The following KIF1A variants were observed in gnomAD, a reference collection of about 807,000 sequenced individuals.
KIF1A encodes kinesin-like protein KIF1A.
A neutral mutation model predicts 227.3 loss-of-function variants in KIF1A; 46 were observed. The observed-to-expected ratio is 0.20, with a 90% CI of 0.16 to 0.26. The LOEUF (loss-of-function observed/expected upper bound fraction) is 0.26. KIF1A is among the 10% of genes least tolerant of loss of function. The pLI is 1.00. For synonymous variants in KIF1A, 1,022 were observed against 1,012.8 expected (o/e 1.01, Z -0.17); for missense variants, 1,683 against 2,485.9 (o/e 0.68, Z 6.87).
At chr2:240,801,554 G>C (rs2056965298) in intron 1 of KIF1A, among the ~76,000 whole-genome samples, 1 of 152,182 alleles carries the variant, frequency 6.6e-6, no homozygotes. Flanking sequence ...AAATGGAATG[G>C]GGGTGCCATG....
intron 47 of KIF1A, among the ~76,000 whole-genome samples, 175 bp from the exon 48 acceptor site, chr2:240,718,343 C>T (rs1210762182): frequency 1.3e-5 from 2 of 152,204 alleles, no homozygotes; most frequent in South Asian, 4.1e-4. Context: ...TGACTGCCTT[C>T]TGGACGCATC....
In KIF1A at chr2:240,747,687, C is replaced by T. The variant is rs1430809866; in HGVS notation, c.2978-366G>A. On this transcript the variant is annotated intron_variant, in intron 28 of 48. Coordinates refer to ENST00000498729, the MANE Select transcript of KIF1A (RefSeq NM_001244008.2). ...ACCACCCCACCAGCCCTGCTGGTCCCACCTCCAGAATCACAAAGTGCCTCT... is the reference window on the plus strand; with the variant it reads ...ACCACCCCACCAGCCCTGCTGGTCCTACCTCCAGAATCACAAAGTGCCTCT... 2.0e-5 allele frequency among the ~76,000 whole-genome samples: 3 copies of T among 152,350 alleles called. No homozygotes were observed. The East Asian group carries it at 5.8e-4, about 29-fold the overall frequency.
In KIF1A at chr2:240,746,132, T is replaced by C. The variant is rs2048569425; in HGVS notation, c.3109A>G (p.Thr1037Ala). 1.3e-6 allele frequency: 2 copies of C among 1,571,946 alleles called. No homozygotes were observed. The highest frequency in any genetic ancestry group is 1.4e-5 in the African/African-American group (1 of 73,916). Residue 1037 changes from threonine (T) to alanine (A), a missense_variant, in exon 30 of 49, where the codon ACC (threonine) becomes GCC (alanine). This residue lies in a region of KIF1A where 759 missense variants were observed against 1,020.2 expected (regional missense o/e 0.74). Coordinates refer to ENST00000498729, the MANE Select transcript of KIF1A (RefSeq NM_001244008.2). ...ACGATGCGAAGCTCTTCCTGGGAGG[T>C]TCCCGAGCGGGACATCCCCACCACG... ...CPVVGMSRSG[T>A]SQEELRIVEG...
chr2:240,757,245 C>T lies in KIF1A; in HGVS notation c.2858+74G>A. 2 of 1,437,264 alleles carry T rather than the reference C, an allele frequency of 1.4e-6. No individual in the cohort carries two copies. The highest frequency in any genetic ancestry group is 2.5e-5 in the East Asian group (1 of 40,178). 89.0% of individuals were successfully genotyped at this position (1,437,264 alleles called of 1,614,324 possible). A position where few individuals can be genotyped will look rare whatever the true frequency, so the allele number is the denominator to read the frequency against. The stretch of plus-strand genomic sequence containing the variant: ...GGCCCGGGCCAGGCCCCAGCGGTTC[C>T]TCTGTGCCCGCAGCAGTGCTCCTGT... On this transcript the variant is annotated intron_variant, in intron 27 of 48. Coordinates refer to ENST00000498729, the MANE Select transcript of KIF1A (RefSeq NM_001244008.2). This position sits in a 1 kb window ranked among gnomAD's most constrained non-coding sequence, Gnocchi z 6.2.
chr2:240,793,302 C>G lies in KIF1A; in HGVS notation c.107-3990G>C, dbSNP rs1308291240. Among the ~76,000 whole-genome samples the G allele has an allele frequency of 6.6e-6, 1 of 152,222 alleles. No homozygotes were observed. The highest frequency in any genetic ancestry group is 2.4e-5 in the African/African-American group (1 of 41,460). On this transcript the variant is annotated intron_variant, in intron 2 of 48. Coordinates refer to ENST00000498729, the MANE Select transcript of KIF1A (RefSeq NM_001244008.2). This position sits in a 1 kb window ranked among gnomAD's most constrained non-coding sequence, Gnocchi z 4.8. ...GAAGAGTGCAGATATGATTGGGGAC[C>G]TCAGGGAGTACCCAGCACCACCCCT...
intron 45 of KIF1A, chr2:240,720,570 A>G (rs2125582351): frequency 5.2e-6 from 1 of 192,314 alleles, no homozygotes; most frequent in South Asian, 1.3e-4. Flanking sequence ...CCTCCACAAT[A>G]CTGACTCTAA....
Position 240,766,577 on chromosome 2 carries a change from G to A in KIF1A, c.1684+338C>T, listed in dbSNP as rs2051206523. 6.6e-6 allele frequency among the ~76,000 whole-genome samples: 1 copy of A among 152,042 alleles called. No homozygotes were observed. The highest frequency in any genetic ancestry group is 2.4e-5 in the African/African-American group (1 of 41,396). On this transcript the variant is annotated intron_variant, in intron 19 of 48. Coordinates refer to ENST00000498729, the MANE Select transcript of KIF1A (RefSeq NM_001244008.2). The surrounding 1 kb of genome is among the most constrained non-coding windows in gnomAD (Gnocchi z 5.0). Reference sequence around the variant, plus strand: ...GCTTCCCGGCCAGCAGCCCACCTGTGCCCCCACCTCCAGCCCTCAAGGAGG... The same window carrying A: ...GCTTCCCGGCCAGCAGCCCACCTGTACCCCCACCTCCAGCCCTCAAGGAGG...
In KIF1A at chr2:240,714,520, C is replaced by T. The variant is rs1239628526; in HGVS notation, c.*2844G>A. The T allele has an allele frequency of 6.6e-6, 1 of 152,278 alleles. No individual in the cohort carries two copies. Among genetic ancestry groups the T allele is most frequent in the African/African-American group, 2.4e-5 (1 of 41,402 alleles). 9.4% of individuals were successfully genotyped at this position (152,278 alleles called of 1,614,324 possible). A position where few individuals can be genotyped will look rare whatever the true frequency, so the allele number is the denominator to read the frequency against. On this transcript the variant is annotated 3_prime_UTR_variant, in exon 49 of 49. Transcript: ENST00000498729. ...GAAACCATCTGAGGGAGACGGCTTT[C>T]CAGATCTGTCTCACCTCCCCCACTT...
In KIF1A at chr2:240,720,953, G is replaced by T. The variant is rs745872716; in HGVS notation, c.4829C>A (p.Pro1610His). The change falls in exon 45 of 49, where the codon CCC becomes CAC. Residue 1610 changes from proline to histidine, a missense_variant. Pro to His is a moderately conservative substitution (Grantham distance 77). Transcript: ENST00000498729. Reference sequence around the variant, plus strand: ...ACCGTACCGCCCTTCAACCAGAGAGGGGCAAGTGGAGGAGGGGGTGAGAGT... The same window carrying T: ...ACCGTACCGCCCTTCAACCAGAGAGTGGCAAGTGGAGGAGGGGGTGAGAGT... ...VATLTPSSTC[P>H]SLVEGRYGAT... is the part of the protein sequence containing the mutation. The T allele has an allele frequency of 2.5e-6, 4 of 1,597,908 alleles. No individual in the cohort carries two copies. The highest frequency in any genetic ancestry group is 2.7e-5 in the African/African-American group (2 of 74,680).
At chr2:240,785,733 C>T (rs1353007827) in intron 6 of KIF1A, among the ~76,000 whole-genome samples, 1 of 152,184 alleles carries the variant, frequency 6.6e-6, no homozygotes, top group Non-Finnish European at 1.5e-5. Context: ...GGAACAGCAC[C>T]CCCACCCACC....
intron 33 of KIF1A, 38 bp from the exon 34 acceptor site, chr2:240,743,022 C>G (rs2048175295): frequency 1.9e-6 from 3 of 1,553,586 alleles, no homozygotes; most frequent in South Asian, 1.2e-5. Context: ...TTTGCGGGAC[C>G]CTGGGCGGGA....
At chr2:240,794,046 A>C (rs999975343) in intron 2 of KIF1A, among the ~76,000 whole-genome samples, 1 of 152,000 alleles carries the variant, frequency 6.6e-6, no homozygotes, top group African/African-American at 2.4e-5. Context: ...GTGGACATCC[A>C]CCCGCACCCT....
intron 1 of KIF1A, among the ~76,000 whole-genome samples, chr2:240,813,795 C>T (rs191686718): frequency 1.3e-5 from 2 of 152,240 alleles, no homozygotes; most frequent in African/African-American, 4.8e-5. Flanking sequence ...GGCGTGAGAA[C>T]AGAGTGTGAA....
chr2:240,816,829 G>A (rs1320239616), intron 1 of KIF1A, among the ~76,000 whole-genome samples: 3 of 152,218 alleles, frequency 2.0e-5, no homozygotes, highest in Non-Finnish European at 2.9e-5. Context: ...AGGAGCAGGA[G>A]AGGTCAGGAG....
At position 240,784,971 on chromosome 2, in the gene KIF1A, G is replaced by T; in HGVS notation, c.720+18C>A. Reference sequence around the variant, plus strand: ...GCCACTGCCCTTGGTGGCACCGCCTGTGAGGCCACTCACTCACCTTCTCCG... The same window carrying T: ...GCCACTGCCCTTGGTGGCACCGCCTTTGAGGCCACTCACTCACCTTCTCCG... On this transcript the variant is annotated intron_variant, in intron 7 of 48. Coordinates refer to ENST00000498729, the MANE Select transcript of KIF1A (RefSeq NM_001244008.2). 1 of 1,602,320 alleles carries T rather than the reference G, an allele frequency of 6.2e-7. No homozygotes were observed. Among genetic ancestry groups the T allele is most frequent in the Non-Finnish European group, 8.5e-7 (1 of 1,169,746 alleles).
chr2:240,717,458 C>T, intron 48 of KIF1A, 52 bp from the exon 49 acceptor site: 1 of 1,555,652 alleles, frequency 6.4e-7, no homozygotes, highest in South Asian at 1.1e-5. Flanking sequence ...CACCTGCAGG[C>T]CATATCCACC....
At position 240,786,752 on chromosome 2, in the gene KIF1A, GTGAGA is replaced by G. The variant is rs1559529914; in HGVS notation, c.430-244_430-240del. The stretch of plus-strand genomic sequence containing the variant: ...TGGGGGCTGCCTGCTGGGCCCCTGA[GTGAGA>G]GGGTAGGGGCCACCATCAGGACCCC... On this transcript the variant is annotated intron_variant, in intron 5 of 48. Transcript: ENST00000498729. 2.0e-4 allele frequency among the ~76,000 whole-genome samples: 25 copies of G among 126,642 alleles called. 1 individual carries two copies. The highest frequency in any genetic ancestry group is 7.2e-4 in the African/African-American group (22 of 30,612). 83.1% of individuals were successfully genotyped at this position (126,642 alleles called of 152,430 possible).
chr2:240,777,863 GTC>G (rs2052984387), intron 10 of KIF1A, among the ~76,000 whole-genome samples: 1 of 152,196 alleles, frequency 6.6e-6, no homozygotes, highest in Middle Eastern at 3.2e-3. Context: ...TCCTTCAAAA[GTC>G]TCTGTCACTG....
intron 5 of KIF1A, 110 bp downstream of exon 5, chr2:240,787,141 C>T (rs1028028493): frequency 4.6e-6 from 4 of 872,874 alleles, no homozygotes; most frequent in Non-Finnish European, 5.6e-6. Context: ...GAGGGACAAG[C>T]TGGGCGTGCA....
Sources: allele counts gnomAD v4.1 joint callset (sites outside exome capture counted in the v4.1 genomes callset), GRCh38; gene constraint gnomAD v4.1.1; regional missense constraint gnomAD v4.1.1; non-coding constraint Gnocchi (gnomAD v3.1); transcripts MANE v1.5; gene names NCBI Gene and HGNC (gene_info 2026-07-23, HGNC 2026-07-21).